The following NKX6-2 variants were observed in gnomAD, a reference collection of about 807,000 sequenced individuals.
NKX6-2 encodes homeobox protein Nkx-6.2.
In NKX6-2, 22 loss-of-function variants were observed where a neutral mutation model predicts 19.9. The ratio of observed to expected loss-of-function variants is 1.10; its 90% confidence interval spans 0.79 to 1.58. NKX6-2 has a LOEUF of 1.58. Ranked by LOEUF, NKX6-2 falls within the 40% of genes most tolerant of loss-of-function variation. The pLI is 0.00. For missense variants in NKX6-2, 475 were observed against 410.6 expected (o/e 1.16, Z -1.35); for synonymous variants, 257 against 204.0 (o/e 1.26, Z -2.21).
rs992160576 is a variant in NKX6-2, at chr10:132,783,670, T to A, written c.*1246A>T. The A allele has an allele frequency of 2.0e-5, 3 of 152,228 alleles. No individual in the cohort carries two copies. The highest frequency in any genetic ancestry group is 6.5e-5 in the Admixed American group (1 of 15,284). 9.4% of individuals were successfully genotyped at this position (152,228 alleles called of 1,614,324 possible). Reference sequence around the variant, plus strand: ...AGGAGAAACACAGCCTTTTGGACTTTCTACTGTAATAAAGGATTTATCCCT... The same window carrying A: ...AGGAGAAACACAGCCTTTTGGACTTACTACTGTAATAAAGGATTTATCCCT... On this transcript the variant is annotated 3_prime_UTR_variant, in exon 3 of 3. Transcript: ENST00000368592.
In NKX6-2 at chr10:132,785,902, A is replaced by T; in HGVS notation, c.47T>A (p.Leu16Gln). 7.3e-7 allele frequency: 1 copy of T among 1,377,750 alleles called. No individual in the cohort carries two copies. Among genetic ancestry groups the T allele is most frequent in the Non-Finnish European group, 9.6e-7 (1 of 1,038,192 alleles). 85.3% of individuals were successfully genotyped at this position (1,377,750 alleles called of 1,614,324 possible). A position where few individuals can be genotyped will look rare whatever the true frequency, so the allele number is the denominator to read the frequency against. The change falls in exon 1 of 3, where the codon CTG becomes CAG. Residue 16 changes from leucine (L) to glutamine (Q), a missense_variant. Transcript: ENST00000368592. This position sits in a 1 kb window ranked among gnomAD's most constrained non-coding sequence, Gnocchi z 5.5. ...PGAFVLSSAP[L>Q]AALHNMAEMK... is the part of the protein sequence containing the mutation. ...CTCGGCCATGTTGTGCAGCGCGGCC[A>T]GCGGGGCACTGCTCAGCACGAACGC...
In NKX6-2 at chr10:132,784,332, G is replaced by C. The variant is rs1431383769; in HGVS notation, c.*584C>G. On this transcript the variant is annotated 3_prime_UTR_variant, in exon 3 of 3. Transcript: ENST00000368592. ...GTTCCACCGGCTGAGCCCAGGGCGG[G>C]CCTATGGGATCCGCTGATGCGCAGA... 6.6e-6 allele frequency: 1 copy of C among 152,468 alleles called. No homozygotes were observed. The highest frequency in any genetic ancestry group is 2.4e-5 in the African/African-American group (1 of 41,486). The allele number at this position is 152,468 out of a possible 1,614,324, so 9.4% of individuals were successfully genotyped here. A position where few individuals can be genotyped will look rare whatever the true frequency, so the allele number is the denominator to read the frequency against.
In NKX6-2 at chr10:132,785,461, G is replaced by C. The variant is rs1847251484; in HGVS notation, c.407-9C>G. On this transcript the variant is annotated splice_polypyrimidine_tract_variant and intron_variant, in intron 1 of 2. Transcript: ENST00000368592. This position sits in a 1 kb window ranked among gnomAD's most constrained non-coding sequence, Gnocchi z 5.5. ...GACGCCGCCGGCCGGGGCTGCAAGG[G>C]AGGGGAAGGGAGGGAGGTCAGCGGC... 3 of 1,549,608 alleles carry C rather than the reference G, an allele frequency of 1.9e-6. No homozygotes were observed. The highest frequency in any genetic ancestry group is 2.6e-6 in the Non-Finnish European group (3 of 1,148,696).
rs770637223 is a variant in NKX6-2 at position 132,785,342 on chromosome 10, G to C, written c.517C>G (p.Leu173Val). 6.2e-7 allele frequency: 1 copy of C among 1,607,068 alleles called. No homozygotes were observed. Among genetic ancestry groups the C allele is most frequent in the Admixed American group, 1.7e-5 (1 of 59,694 alleles). ...AGACGCGCGCGCTCCGGGCCCGCCA[G>C]GTACTTGGTCTGCTCGAAGGTTTTC... is the stretch of plus-strand genomic sequence containing the variant. ...LEKTFEQTKY[L>V]AGPERARLAY... Residue 173 changes from leucine to valine, a missense_variant, in exon 2 of 3, where the codon CTG becomes GTG. Physicochemically the swap from Leu to Val is conservative, Grantham distance 32. Coordinates refer to ENST00000368592, the MANE Select transcript of NKX6-2 (RefSeq NM_177400.3). The surrounding 1 kb of genome is among the most constrained non-coding windows in gnomAD (Gnocchi z 5.5).
In NKX6-2 at chr10:132,784,261, T is replaced by C. The variant is rs1455978370; in HGVS notation, c.*655A>G. On this transcript the variant is annotated 3_prime_UTR_variant, in exon 3 of 3. Coordinates refer to ENST00000368592, the MANE Select transcript of NKX6-2 (RefSeq NM_177400.3). Reference sequence around the variant, plus strand: ...AACTGCTTTCCACCGCGGGAAGATCTGGCGGGATGGTGACCGAAGGGCCTC... The same window carrying C: ...AACTGCTTTCCACCGCGGGAAGATCCGGCGGGATGGTGACCGAAGGGCCTC... The C allele has an allele frequency of 6.6e-6, 1 of 152,288 alleles. No individual in the cohort carries two copies. Among genetic ancestry groups the C allele is most frequent in the East Asian group, 1.9e-4 (1 of 5,196 alleles). 9.4% of individuals were successfully genotyped at this position (152,288 alleles called of 1,614,324 possible).
rs762400550 is a variant in NKX6-2 at position 132,785,849 on chromosome 10, G to A, written c.100C>T (p.Leu34=). Residue 34 remains leucine, a synonymous_variant, in exon 1 of 3, where the codon CTG becomes TTG. Transcript: ENST00000368592. The surrounding 1 kb of genome is among the most constrained non-coding windows in gnomAD (Gnocchi z 5.5). ...EMKTSLFPYA[L]QGPAGFKAPA... ...GCCTTGAAGCCGGCCGGACCCTGCAGCGCGTAGGGGAACAGCGACGTCTTC... is the reference window on the plus strand; with the variant it reads ...GCCTTGAAGCCGGCCGGACCCTGCAACGCGTAGGGGAACAGCGACGTCTTC... 23 of 1,384,168 alleles carry A rather than the reference G, an allele frequency of 1.7e-5. No homozygotes were observed. Among genetic ancestry groups the A allele is most frequent in the Non-Finnish European group, 2.0e-5 (21 of 1,054,696 alleles). The allele number at this position is 1,384,168 out of a possible 1,614,324, so 85.7% of individuals were successfully genotyped here.
chr10:132,786,121 G>A lies in NKX6-2; in HGVS notation c.-173C>T, dbSNP rs1431476178. 2.1e-5 allele frequency: 3 copies of A among 145,202 alleles called. No homozygotes were observed. The highest frequency in any genetic ancestry group is 4.1e-4 in the South Asian group (2 of 4,910). 9.0% of individuals were successfully genotyped at this position (145,202 alleles called of 1,614,324 possible). On this transcript the variant is annotated 5_prime_UTR_variant, in exon 1 of 3. Transcript: ENST00000368592. ...GCGGGGCGGGCGGGCGGGCGGCGGC[G>A]GCGGCGGCTCCGGGGCCGGTCGGAG...
chr10:132,785,071 C>T lies in NKX6-2; in HGVS notation c.679G>A (p.Val227Met). The change falls in exon 3 of 3, where the codon GTG becomes ATG. Residue 227 changes from valine (V) to methionine (M), a missense_variant. Transcript: ENST00000368592. The surrounding 1 kb of genome is among the most constrained non-coding windows in gnomAD (Gnocchi z 5.5). ...TCGTCCTCCGCGTCCGAGCCGCCCACCTTCAGCTTCTCGGCGTCCGAGTCC... is the reference window on the plus strand; with the variant it reads ...TCGTCCTCCGCGTCCGAGCCGCCCATCTTCAGCTTCTCGGCGTCCGAGTCC... The part of the protein sequence containing the change: ...KQDSDAEKLK[V>M]GGSDAEDDDE... The T allele has an allele frequency of 6.2e-7, 1 of 1,610,090 alleles. No individual in the cohort carries two copies. Among genetic ancestry groups the T allele is most frequent in the Non-Finnish European group, 8.5e-7 (1 of 1,177,270 alleles).
In NKX6-2 at chr10:132,784,687, C is replaced by T. The variant is rs1847227035; in HGVS notation, c.*229G>A. 1 of 513,188 alleles carries T rather than the reference C, an allele frequency of 1.9e-6. No homozygotes were observed. 31.8% of individuals were successfully genotyped at this position (513,188 alleles called of 1,614,324 possible). On this transcript the variant is annotated 3_prime_UTR_variant, in exon 3 of 3. Coordinates refer to ENST00000368592, the MANE Select transcript of NKX6-2 (RefSeq NM_177400.3). The stretch of plus-strand genomic sequence containing the variant: ...GCGCCTGCCCGGGGCCCGCAGCCTC[C>T]GCACCGGGAACCCGGAGGACCCGAG...
chr10:132,785,327 G>A lies in NKX6-2; in HGVS notation c.532C>T (p.Arg178Cys), dbSNP rs373547363. The A allele has an allele frequency of 5.6e-6, 9 of 1,605,938 alleles. No homozygotes were observed. In the Admixed American group the frequency reaches 1.2e-4, roughly 21 times the overall value. ...EQTKYLAGPE[R>C]ARLAYSLGMT... ...CCCAGCGAGTAGGCGAGACGCGCGCGCTCCGGGCCCGCCAGGTACTTGGTC... is the reference window on the plus strand; with the variant it reads ...CCCAGCGAGTAGGCGAGACGCGCGCACTCCGGGCCCGCCAGGTACTTGGTC... Residue 178 changes from arginine (R) to cysteine (C), a missense_variant, in exon 2 of 3, where the codon CGC becomes TGC. Arg to Cys is a radical substitution (Grantham distance 180, BLOSUM62 -3). Transcript: ENST00000368592. This position sits in a 1 kb window ranked among gnomAD's most constrained non-coding sequence, Gnocchi z 5.5.
At position 132,785,110 on chromosome 10, in the gene NKX6-2, C is replaced by T; in HGVS notation, c.640G>A (p.Ala214Thr). Residue 214 changes from alanine (A) to threonine (T), a missense_variant, in exon 3 of 3, where the codon GCC becomes ACC. Coordinates refer to ENST00000368592, the MANE Select transcript of NKX6-2 (RefSeq NM_177400.3). The surrounding 1 kb of genome is among the most constrained non-coding windows in gnomAD (Gnocchi z 5.5). ...RKRHAVEMAS[A>T]KKKQDSDAEK... ...GCGTCCGAGTCCTGCTTCTTCTTGG[C>T]CGACGCCATCTCCACCGCGTGCCGC... The T allele has an allele frequency of 6.2e-7, 1 of 1,611,944 alleles. No individual in the cohort carries two copies. Among genetic ancestry groups the T allele is most frequent in the Non-Finnish European group, 8.5e-7 (1 of 1,179,328 alleles).
In NKX6-2 at chr10:132,785,402, G is replaced by A. The variant is rs1393994558; in HGVS notation, c.457C>T (p.Pro153Ser). 5.0e-6 allele frequency: 8 copies of A among 1,600,856 alleles called. No individual in the cohort carries two copies. The highest frequency in any genetic ancestry group is 6.8e-6 in the Non-Finnish European group (8 of 1,175,528). Residue 153 changes from proline to serine, a missense_variant, in exon 2 of 3, where the codon CCG (proline) becomes TCG (serine). Coordinates refer to ENST00000368592, the MANE Select transcript of NKX6-2 (RefSeq NM_177400.3). This position sits in a 1 kb window ranked among gnomAD's most constrained non-coding sequence, Gnocchi z 5.5. ...DKDGKKKHSR[P>S]TFSGQQIFAL... ...AAGATCTGCTGGCCCGAGAAGGTCGGGCGCGAGTGCTTCTTCTTCCCGTCC... is the reference window on the plus strand; with the variant it reads ...AAGATCTGCTGGCCCGAGAAGGTCGAGCGCGAGTGCTTCTTCTTCCCGTCC...
rs1014160317 is a variant in NKX6-2, at chr10:132,785,727, G to A, written c.222C>T (p.Gly74=). The A allele has an allele frequency of 2.4e-6, 3 of 1,230,500 alleles. No homozygotes were observed. Among genetic ancestry groups the A allele is most frequent in the Non-Finnish European group, 3.0e-6 (3 of 989,072 alleles). The allele number at this position is 1,230,500 out of a possible 1,614,324, so 76.2% of individuals were successfully genotyped here. A position where few individuals can be genotyped will look rare whatever the true frequency, so the allele number is the denominator to read the frequency against. The change falls in exon 1 of 3, where the codon GGC becomes GGT. Residue 74 remains glycine, a synonymous_variant. Transcript: ENST00000368592. This position sits in a 1 kb window ranked among gnomAD's most constrained non-coding sequence, Gnocchi z 5.5. ...TGAGCCGGGGCAGCCCCCCCAGGAG[G>A]CCCCCGCCCGCCGCGCCCACGGGCC... ...LGRPVGAAGG[G]LLGGLPRLNG...
rs756125956 is a variant in NKX6-2 at position 132,785,133 on chromosome 10, C to G, written c.617G>C (p.Arg206Pro). The G allele has an allele frequency of 1.2e-6, 2 of 1,612,054 alleles. No homozygotes were observed. The highest frequency in any genetic ancestry group is 1.7e-6 in the Non-Finnish European group (2 of 1,179,650). The change falls in exon 3 of 3, where the codon CGG becomes CCG. Residue 206 changes from arginine (R) to proline (P), a missense_variant. Coordinates refer to ENST00000368592, the MANE Select transcript of NKX6-2 (RefSeq NM_177400.3). This position sits in a 1 kb window ranked among gnomAD's most constrained non-coding sequence, Gnocchi z 5.5. ...GGCCGACGCCATCTCCACCGCGTGC[C>G]GCTTGCGCCACTTGGTCCGGCGGTT... ...FQNRRTKWRKRHAVEMASAKK... is the reference protein window; with the variant it reads ...FQNRRTKWRKPHAVEMASAKK...
rs1395753681 is a variant in NKX6-2 at position 132,786,131 on chromosome 10, C to G, written c.-183G>C. On this transcript the variant is annotated 5_prime_UTR_variant, in exon 1 of 3. Coordinates refer to ENST00000368592, the MANE Select transcript of NKX6-2 (RefSeq NM_177400.3). The stretch of plus-strand genomic sequence containing the variant: ...CGGGCGGGCGGCGGCGGCGGCGGCT[C>G]CGGGGCCGGTCGGAGCGGCGCCGCG... 6.9e-6 allele frequency: 1 copy of G among 145,266 alleles called. No homozygotes were observed. The highest frequency in any genetic ancestry group is 2.5e-5 in the African/African-American group (1 of 40,536). The allele number at this position is 145,266 out of a possible 1,614,324, so 9.0% of individuals were successfully genotyped here.
rs1847254157 is a variant in NKX6-2, at chr10:132,785,589, G to C, written c.360C>G (p.Gly120=). The change falls in exon 1 of 3, where the codon GGC becomes GGG. Residue 120 remains glycine (G), a synonymous_variant. Coordinates refer to ENST00000368592, the MANE Select transcript of NKX6-2 (RefSeq NM_177400.3). The surrounding 1 kb of genome is among the most constrained non-coding windows in gnomAD (Gnocchi z 5.5). ...CCCTCCAGGGCGCGCCCTGCACCACGCCGGGCCAGAAGATGGGCGGGCGCC... is the reference window on the plus strand; with the variant it reads ...CCCTCCAGGGCGCGCCCTGCACCACCCCGGGCCAGAAGATGGGCGGGCGCC... The part of the protein sequence containing the change: ...LPGRPPIFWP[G]VVQGAPWRDP... 7.9e-7 allele frequency: 1 copy of C among 1,265,380 alleles called. No individual in the cohort carries two copies. Among genetic ancestry groups the C allele is most frequent in the Middle Eastern group, 3.0e-4 (1 of 3,302 alleles). 78.4% of individuals were successfully genotyped at this position (1,265,380 alleles called of 1,614,324 possible). A position where few individuals can be genotyped will look rare whatever the true frequency, so the allele number is the denominator to read the frequency against.
rs1847230605 is a variant in NKX6-2, at chr10:132,784,909, C to T, written c.*7G>A. The stretch of plus-strand genomic sequence containing the variant: ...CAAAAATAGATTCGCCCCCACCCCG[C>T]GGGTCCTCACAAGGCGTCCCCCGCG... On this transcript the variant is annotated 3_prime_UTR_variant, in exon 3 of 3. Coordinates refer to ENST00000368592, the MANE Select transcript of NKX6-2 (RefSeq NM_177400.3). 6.2e-7 allele frequency: 1 copy of T among 1,609,720 alleles called. No individual in the cohort carries two copies. Among genetic ancestry groups the T allele is most frequent in the Admixed American group, 1.7e-5 (1 of 59,886 alleles).
Position 132,785,214 on chromosome 10 carries a change from T to C in NKX6-2, c.580-44A>G. 1 of 1,586,590 alleles carries C rather than the reference T, an allele frequency of 6.3e-7. No individual in the cohort carries two copies. Among genetic ancestry groups the C allele is most frequent in the South Asian group, 1.1e-5 (1 of 88,086 alleles). ...GTCAGGCGGCCGCGGGGCCCGGGGCTGGCGCTGGGGCCGTTCGCAGGACGC... is the reference window on the plus strand; with the variant it reads ...GTCAGGCGGCCGCGGGGCCCGGGGCCGGCGCTGGGGCCGTTCGCAGGACGC... On this transcript the variant is annotated intron_variant, in intron 2 of 2. Coordinates refer to ENST00000368592, the MANE Select transcript of NKX6-2 (RefSeq NM_177400.3). This position sits in a 1 kb window ranked among gnomAD's most constrained non-coding sequence, Gnocchi z 5.5.
At position 132,785,345 on chromosome 10, in the gene NKX6-2, A is replaced by T; in HGVS notation, c.514T>A (p.Tyr172Asn). 6.2e-7 allele frequency: 1 copy of T among 1,606,658 alleles called. No individual in the cohort carries two copies. The change falls in exon 2 of 3, where the codon TAC becomes AAC. Residue 172 changes from tyrosine to asparagine, a missense_variant. Coordinates refer to ENST00000368592, the MANE Select transcript of NKX6-2 (RefSeq NM_177400.3). The surrounding 1 kb of genome is among the most constrained non-coding windows in gnomAD (Gnocchi z 5.5). ...CGCGCGCGCTCCGGGCCCGCCAGGTACTTGGTCTGCTCGAAGGTTTTCTCC... is the reference window on the plus strand; with the variant it reads ...CGCGCGCGCTCCGGGCCCGCCAGGTTCTTGGTCTGCTCGAAGGTTTTCTCC... Reference protein sequence around the residue: ...ALEKTFEQTKYLAGPERARLA... With the variant: ...ALEKTFEQTKNLAGPERARLA...
Sources: allele counts gnomAD v4.1 joint callset, GRCh38; gene constraint gnomAD v4.1.1; non-coding constraint Gnocchi (gnomAD v3.1); transcripts MANE v1.5; gene names NCBI Gene and HGNC (gene_info 2026-07-23, HGNC 2026-07-21).